Variants in GALNT9 observed in about 807,000 individuals in gnomAD.
GALNT9 encodes the protein polypeptide N-acetylgalactosaminyltransferase 9, also known as GalNAc transferase 9.
In GALNT9, 47 loss-of-function variants were observed where a neutral mutation model predicts 63.1. The observed-to-expected ratio is 0.75, with a 90% CI of 0.59 to 0.95. GALNT9 has a LOEUF of 0.95. Among genes scored for constraint, GALNT9 ranks in the 40% least tolerant of loss-of-function variants. The probability of loss-of-function intolerance (pLI) is 0.00; values close to 1 mark genes in which losing one functional copy is unlikely to be tolerated. For missense variants in GALNT9, 829 were observed against 874.8 expected (o/e 0.95, Z 0.66); for synonymous variants, 396 against 365.7 (o/e 1.08, Z -0.94).
chr12:132,269,064 G>A (rs1475310300), intron 2 of GALNT9, among the ~76,000 whole-genome samples: 2 of 152,248 alleles, frequency 1.3e-5, no homozygotes, highest in African/African-American at 4.8e-5. Context: ...CCATTAGACA[G>A]GACTGAAAGA....
intron 4 of GALNT9, among the ~76,000 whole-genome samples, chr12:132,260,004 A>G (rs1879309384): frequency 1.3e-5 from 1 of 74,278 alleles, no homozygotes; most frequent in Admixed American, 1.5e-4. Flanking sequence ...TGCGGGGAAC[A>G]CACCCTGAGC....
intron 1 of GALNT9, among the ~76,000 whole-genome samples, chr12:132,325,638 T>A (rs1869006217): frequency 6.6e-6 from 1 of 152,172 alleles, no homozygotes; most frequent in South Asian, 2.1e-4. Flanking sequence ...CAGCGCCACC[T>A]CGCTGGACCT....
intron 6 of GALNT9, among the ~76,000 whole-genome samples, chr12:132,212,905 G>T (rs1877011718): frequency 9.7e-6 from 1 of 103,592 alleles, no homozygotes; most frequent in African/African-American, 3.9e-5. Context: ...ACCCGGGTCT[G>T]CAGCTCTCAG....
intron 6 of GALNT9, among the ~76,000 whole-genome samples, chr12:132,226,181 C>T (rs1259276402): frequency 7.1e-5 from 10 of 140,892 alleles, no homozygotes; most frequent in Middle Eastern, 3.9e-3. Context: ...ATATACACAC[C>T]CCACACACAT....
In GALNT9 at chr12:132,252,691, C is replaced by T. The variant is rs561440226; in HGVS notation, c.960-4664G>A. Among the ~76,000 whole-genome samples, 1 of 152,168 alleles carries T rather than the reference C, an allele frequency of 6.6e-6. No homozygotes were observed. Among genetic ancestry groups the T allele is most frequent in the East Asian group, 1.9e-4 (1 of 5,166 alleles). ...GTCGGGAGTTCGAGACCAGCCTGAC[C>T]AACATGGAGAAACCCCGTCTCTACT... On this transcript the variant is annotated intron_variant, in intron 5 of 10. Transcript: ENST00000328957. The surrounding 1 kb of genome is among the most constrained non-coding windows in gnomAD (Gnocchi z 5.2).
chr12:132,218,177 G>C (rs1877296992), intron 6 of GALNT9, among the ~76,000 whole-genome samples: 4 of 152,128 alleles, frequency 2.6e-5, no homozygotes, highest in African/African-American at 9.7e-5. Context: ...TTAGTCCCTA[G>C]AACCAGCATG....
chr12:132,250,033 C>T (rs2135536146), intron 5 of GALNT9, among the ~76,000 whole-genome samples: 4 of 152,358 alleles, frequency 2.6e-5, no homozygotes, highest in Middle Eastern at 6.8e-3. Context: ...TCAGAAGCGA[C>T]TCAGCCCAGC....
At chr12:132,203,780 C>T (rs978250559) in intron 6 of GALNT9, 90 bp from the exon 7 acceptor site, 33 of 1,414,838 alleles carry the variant, frequency 2.3e-5, no homozygotes, top group Admixed American at 1.3e-4. Flanking sequence ...CCAAGGGGCC[C>T]GGCCCTCTGT....
At chr12:132,328,510 G>T (rs1555246682) in intron 1 of GALNT9, among the ~76,000 whole-genome samples, 1 of 152,200 alleles carries the variant, frequency 6.6e-6, no homozygotes, top group Admixed American at 6.5e-5. Flanking sequence ...AAAGGACACT[G>T]CACCAGCAGC....
chr12:132,243,737 C>T (rs1303470501), intron 6 of GALNT9, among the ~76,000 whole-genome samples: 1 of 152,158 alleles, frequency 6.6e-6, no homozygotes, highest in African/African-American at 2.4e-5. Context: ...TGGCTCTCCC[C>T]AACATGCCAC....
chr12:132,300,871 A>G (rs1555243783), intron 1 of GALNT9, among the ~76,000 whole-genome samples: 1 of 152,192 alleles, frequency 6.6e-6, no homozygotes, highest in African/African-American at 2.4e-5. Flanking sequence ...CCCATAACTA[A>G]CCCACTCCCA....
intron 1 of GALNT9, among the ~76,000 whole-genome samples, chr12:132,324,954 A>T (rs1257534382): frequency 6.6e-6 from 1 of 152,204 alleles, no homozygotes; most frequent in Non-Finnish European, 1.5e-5. Context: ...TGCTGCTCTG[A>T]ACACACACTG....
chr12:132,226,827 A>AC (rs1361323499), intron 6 of GALNT9, among the ~76,000 whole-genome samples: 33 of 141,892 alleles, frequency 2.3e-4, no homozygotes, highest in South Asian at 6.8e-4. Context: ...CCATAAACAC[A>AC]CCCCACACAC....
At chr12:132,301,549 C>A (rs887504625) in intron 1 of GALNT9, among the ~76,000 whole-genome samples, 1 of 152,242 alleles carries the variant, frequency 6.6e-6, no homozygotes, top group African/African-American at 2.4e-5. Context: ...CAATTCCACC[C>A]GGAGGTAGGG....
At chr12:132,257,909 AG>A in intron 4 of GALNT9, 23 bp from the exon 5 acceptor site, 1 of 1,476,974 alleles carries the variant, frequency 6.8e-7, no homozygotes. Flanking sequence ...AGCTGTGAGG[AG>A]GGGCGGCCCC....
chr12:132,225,328 GTACA>G (rs1346918861), intron 6 of GALNT9, among the ~76,000 whole-genome samples: 19,216 of 102,860 alleles, frequency 0.19, 1,576 homozygotes, highest in Admixed American at 0.29. Flanking sequence ...GCCACACACT[GTACA>G]TAAACACCCC....
rs1256029518 is a variant in GALNT9, at chr12:132,279,747, C to G, written c.419+6503G>C. 1 of 152,364 alleles carries G rather than the reference C, an allele frequency of 6.6e-6. No homozygotes were observed. The highest frequency in any genetic ancestry group is 2.4e-5 in the African/African-American group (1 of 41,470). 9.4% of individuals were successfully genotyped at this position (152,364 alleles called of 1,614,324 possible). On this transcript the variant is annotated intron_variant, in intron 2 of 10. Coordinates refer to ENST00000328957, the MANE Select transcript of GALNT9 (RefSeq NM_001122636.2). The surrounding 1 kb of genome is among the most constrained non-coding windows in gnomAD (Gnocchi z 4.1). Reference sequence around the variant, plus strand: ...GGGGAGAAGAACATCCCAGTGCGGTCACTTCCTGGATCCAATTCCTGGATG... The same window carrying G: ...GGGGAGAAGAACATCCCAGTGCGGTGACTTCCTGGATCCAATTCCTGGATG...
At chr12:132,222,963 C>T (rs1305805106) in intron 6 of GALNT9, among the ~76,000 whole-genome samples, 4 of 148,664 alleles carry the variant, frequency 2.7e-5, no homozygotes, top group African/African-American at 7.5e-5. Flanking sequence ...TCACACCCCA[C>T]ACAACCCGCA....
At chr12:132,312,967 A>C (rs1881866111) in intron 1 of GALNT9, among the ~76,000 whole-genome samples, 2 of 152,102 alleles carry the variant, frequency 1.3e-5, no homozygotes, top group Admixed American at 1.3e-4. Context: ...GTAGTCCAGC[A>C]TTCCAGATCC....
Sources: allele counts gnomAD v4.1 joint callset (sites outside exome capture counted in the v4.1 genomes callset), GRCh38; gene constraint gnomAD v4.1.1; non-coding constraint Gnocchi (gnomAD v3.1); transcripts MANE v1.5; gene names NCBI Gene and HGNC (gene_info 2026-07-23, HGNC 2026-07-21).